Variants in NRXN1 observed in about 807,000 individuals in gnomAD.
NRXN1 encodes the protein neurexin 1.
NRXN1 carries 39 observed loss-of-function variants against 150.9 expected under a neutral mutation model. The ratio of observed to expected loss-of-function variants is 0.26; its 90% CI spans 0.20 to 0.34. The LOEUF (loss-of-function observed/expected upper bound fraction) is 0.34. Among genes scored for constraint, NRXN1 ranks in the 10% least tolerant of loss-of-function variants. The pLI is 1.00. For synonymous variants in NRXN1, 924 were observed against 757.0 expected (o/e 1.22, Z -3.62); for missense variants, 1,815 against 1,949.9 (o/e 0.93, Z 1.30).
intron 8 of NRXN1, among the ~76,000 whole-genome samples, chr2:50,614,650 T>C (rs897685379): frequency 1.1e-4 from 14 of 130,832 alleles, no homozygotes; most frequent in African/African-American, 2.8e-4. Context: ...AATATATATA[T>C]ATATATATAA....
chr2:50,124,893 G>C (rs1422863474), intron 18 of NRXN1, among the ~76,000 whole-genome samples: 3 of 152,048 alleles, frequency 2.0e-5, no homozygotes, highest in Non-Finnish European at 4.4e-5. Context: ...GCTTCTAGAA[G>C]TTCTTTAGCC....
At chr2:50,282,714 T>G (rs1313373792) in intron 17 of NRXN1, among the ~76,000 whole-genome samples, 1 of 152,176 alleles carries the variant, frequency 6.6e-6, no homozygotes, top group African/African-American at 2.4e-5. Flanking sequence ...GGAAATCAGA[T>G]GAATTCTTTG....
intron 18 of NRXN1, among the ~76,000 whole-genome samples, chr2:50,203,968 G>T (rs749770120): frequency 1.3e-5 from 2 of 151,920 alleles, no homozygotes; most frequent in African/African-American, 2.4e-5. Flanking sequence ...AAAATTTAAC[G>T]CCAATACTGT....
chr2:50,062,601 G>A (rs1694722908), intron 19 of NRXN1, among the ~76,000 whole-genome samples: 1 of 152,000 alleles, frequency 6.6e-6, no homozygotes, highest in Admixed American at 6.6e-5. Flanking sequence ...AAAGAATCAA[G>A]GTAAGTAGCA....
At chr2:50,925,804 G>A (rs777983548) in intron 3 of NRXN1, 134 bp downstream of exon 3, 10 of 707,372 alleles carry the variant, frequency 1.4e-5, no homozygotes, top group Non-Finnish European at 2.5e-5. Context: ...TGTATGAAAA[G>A]TGATACACAA....
At chr2:50,045,156 CCAACAA>C (rs150907464) in intron 21 of NRXN1, among the ~76,000 whole-genome samples, 54 of 150,818 alleles carry the variant, frequency 3.6e-4, no homozygotes, top group African/African-American at 1.2e-3. Context: ...TTCAGTGATA[CCAACAA>C]CAACAACAAC....
chr2:50,812,484 T>A lies in NRXN1; in HGVS notation c.832+109385A>T, dbSNP rs1046886914. Among the ~76,000 whole-genome samples, 8 of 152,268 alleles carry A rather than the reference T, an allele frequency of 5.3e-5. No individual in the cohort carries two copies. In the South Asian group the frequency reaches 1.7e-3, roughly 32 times the overall value. On this transcript the variant is annotated intron_variant, in intron 5 of 22. Transcript: ENST00000401669. ...ATTTTGGTTTTAAGAAATTTTCCTC[T>A]TTGTAAGTCAATGTCTTAGTAAACA...
intron 17 of NRXN1, among the ~76,000 whole-genome samples, chr2:50,354,557 A>ATATATATATATATC: frequency 1.2e-5 from 1 of 83,056 alleles, no homozygotes; most frequent in African/African-American, 6.2e-5. Context: ...GTGCATACAT[A>ATATATATATATATC]TATATATATA....
intron 5 of NRXN1, among the ~76,000 whole-genome samples, chr2:50,655,891 C>T (rs947418326): frequency 1.3e-5 from 2 of 151,850 alleles, no homozygotes; most frequent in Non-Finnish European, 2.9e-5. Flanking sequence ...CTCTGGCCAG[C>T]AATTATTTAG....
In NRXN1 at chr2:49,940,581, C is replaced by T. The variant is rs555037893; in HGVS notation, c.4216+3123G>A. Among the ~76,000 whole-genome samples, 9 of 152,150 alleles carry T rather than the reference C, an allele frequency of 5.9e-5. 1 individual carries two copies. In the East Asian group the frequency reaches 1.7e-3, roughly 29 times the overall value. ...AAACAGGATTCAAAACAAAAACAAA[C>T]AGAAAAACACAACCCATATTCCAAG... On this transcript the variant is annotated intron_variant, in intron 22 of 22. Transcript: ENST00000401669.
intron 17 of NRXN1, among the ~76,000 whole-genome samples, chr2:50,410,948 G>C (rs1455282078): frequency 6.6e-6 from 1 of 152,200 alleles, no homozygotes; most frequent in Non-Finnish European, 1.5e-5. Flanking sequence ...AGTTATATCT[G>C]AACTAAAAGA....
chr2:50,258,991 A>G (rs1000850323), intron 17 of NRXN1, among the ~76,000 whole-genome samples: 1 of 151,978 alleles, frequency 6.6e-6, no homozygotes, highest in Non-Finnish European at 1.5e-5. Context: ...TTGCTGTTTC[A>G]TTTATAGAGC....
At chr2:50,495,819 C>T in intron 15 of NRXN1, 86 bp downstream of exon 15, 2 of 1,212,266 alleles carry the variant, frequency 1.6e-6, no homozygotes, top group African/African-American at 3.0e-5. Context: ...GCAGAAGGTA[C>T]AAACACACCC....
chr2:50,380,552 C>A (rs2080880471), intron 17 of NRXN1, among the ~76,000 whole-genome samples: 1 of 152,038 alleles, frequency 6.6e-6, no homozygotes, highest in African/African-American at 2.4e-5. Flanking sequence ...CAGCCACTTA[C>A]TATCTGACTG....
At chr2:50,780,847 G>A (rs922635280) in intron 5 of NRXN1, among the ~76,000 whole-genome samples, 38 of 151,894 alleles carry the variant, frequency 2.5e-4, no homozygotes, top group African/African-American at 9.0e-4. Flanking sequence ...TGCTTTTCCG[G>A]TAACCATCCT....
chr2:50,650,229 T>C (rs928825501), intron 5 of NRXN1, among the ~76,000 whole-genome samples: 1 of 152,166 alleles, frequency 6.6e-6, no homozygotes, highest in African/African-American at 2.4e-5. Flanking sequence ...AGGAGGCCCA[T>C]GCTTTGTGAT....
At chr2:50,258,630 C>T (rs1274842251) in intron 17 of NRXN1, among the ~76,000 whole-genome samples, 1 of 151,992 alleles carries the variant, frequency 6.6e-6, no homozygotes, top group Non-Finnish European at 1.5e-5. Context: ...CCCTGAGTCA[C>T]AGATGTTCTT....
intron 5 of NRXN1, among the ~76,000 whole-genome samples, chr2:50,733,353 G>C (rs561440495): frequency 6.6e-6 from 1 of 152,202 alleles, no homozygotes; most frequent in South Asian, 2.1e-4. Context: ...CATAGCCTGA[G>C]CCAAAACTGT....
chr2:50,335,586 C>T (rs115310806), intron 17 of NRXN1, among the ~76,000 whole-genome samples: 2 of 152,044 alleles, frequency 1.3e-5, no homozygotes, highest in Non-Finnish European at 2.9e-5. Context: ...TCTAAGAGAG[C>T]GAGGAAAAAA....
Sources: allele counts gnomAD v4.1 joint callset (sites outside exome capture counted in the v4.1 genomes callset), GRCh38; gene constraint gnomAD v4.1.1; transcripts MANE v1.5; gene names NCBI Gene and HGNC (gene_info 2026-07-23, HGNC 2026-07-21).